Variants in SHFL observed in about 807,000 individuals in gnomAD.
SHFL encodes shiftless antiviral inhibitor of ribosomal frameshifting.
Under a neutral mutation model 34.7 loss-of-function variants are expected in SHFL, and 12 were observed. That is an observed-to-expected ratio of 0.35 (90% confidence interval 0.22 to 0.56). The LOEUF is 0.56. Ranked by LOEUF, SHFL falls within the 20% of genes least tolerant of loss-of-function variation. SHFL has a pLI of 0.88. For missense variants in SHFL, 278 were observed against 411.1 expected (o/e 0.68, Z 2.80); for synonymous variants, 148 against 156.0 (o/e 0.95, Z 0.38).
In SHFL at chr19:10,090,069, T is replaced by C. The variant is rs2088355312; in HGVS notation, c.384+22T>C. On this transcript the variant is annotated intron_variant, in intron 5 of 7. Transcript: ENST00000253110. ...GGAGGTGATGACCTAAAACTTAACC[T>C]CGACTTTGACTGTCCCGAACTCCAC... 5 of 1,590,284 alleles carry C rather than the reference T, an allele frequency of 3.1e-6. No homozygotes were observed. The East Asian group carries it at 1.1e-4, about 36-fold the overall frequency.
Position 10,091,223 on chromosome 19 carries a change from CTG to C in SHFL, c.385-25_385-24del. ...CCTCTGACAATCCTTGGTCCCCTCT[CTG>C]TACCTTCCTGCCCACCACCACCAGG... On this transcript the variant is annotated intron_variant, in intron 5 of 7. Coordinates refer to ENST00000253110, the MANE Select transcript of SHFL (RefSeq NM_018381.4). The surrounding 1 kb of genome is among the most constrained non-coding windows in gnomAD (Gnocchi z 8.2). 1 of 1,602,078 alleles carries C rather than the reference CTG, an allele frequency of 6.2e-7. No individual in the cohort carries two copies. Among genetic ancestry groups the C allele is most frequent in the Non-Finnish European group, 8.5e-7 (1 of 1,170,782 alleles).
In SHFL at chr19:10,086,331, T is replaced by G. The variant is rs1568462185; in HGVS notation, c.-97T>G. The G allele has an allele frequency of 1.8e-6, 2 of 1,136,806 alleles. No individual in the cohort carries two copies. The highest frequency in any genetic ancestry group is 2.3e-6 in the Non-Finnish European group (2 of 888,368). 70.4% of individuals were successfully genotyped at this position (1,136,806 alleles called of 1,614,324 possible). On this transcript the variant is annotated 5_prime_UTR_variant, in exon 1 of 8. Transcript: ENST00000253110. This position sits in a 1 kb window ranked among gnomAD's most constrained non-coding sequence, Gnocchi z 5.2. ...GAGCCGGCCCCGAGGCACCGCCCCC[T>G]GCCCTGCGCGGCTGCTGGACCGACG...
rs2088395718 is a variant in SHFL, at chr19:10,091,809, T to C, written c.643+179T>C. 1.3e-5 allele frequency: 13 copies of C among 1,026,676 alleles called. No individual in the cohort carries two copies. Among genetic ancestry groups the C allele is most frequent in the Middle Eastern group, 3.2e-4 (1 of 3,162 alleles). 63.6% of individuals were successfully genotyped at this position (1,026,676 alleles called of 1,614,324 possible). A position where few individuals can be genotyped will look rare whatever the true frequency, so the allele number is the denominator to read the frequency against. On this transcript the variant is annotated intron_variant, in intron 7 of 7. Transcript: ENST00000253110. The surrounding 1 kb of genome is among the most constrained non-coding windows in gnomAD (Gnocchi z 8.2). ...AGGAGGCTCTGAGGTTTCACCCCAG[T>C]GGCCCGTGCCTGAGGGTCCCCATGG...
Position 10,091,570 on chromosome 19 carries a change from C to G in SHFL, c.583C>G (p.Pro195Ala), listed in dbSNP as rs1192471027. The G allele has an allele frequency of 7.7e-6, 12 of 1,551,460 alleles. No homozygotes were observed. Among genetic ancestry groups the G allele is most frequent in the Non-Finnish European group, 1.0e-5 (12 of 1,147,124 alleles). Residue 195 changes from proline to alanine, a missense_variant, in exon 7 of 8, where the codon CCG (proline) becomes GCG (alanine). Physicochemically the swap from Pro to Ala is conservative, Grantham distance 27. Around this residue, in one of 2 missense-constraint regions of SHFL, gnomAD observed 243 missense variants for 386.2 expected, o/e 0.63. Transcript: ENST00000253110. The surrounding 1 kb of genome is among the most constrained non-coding windows in gnomAD (Gnocchi z 8.2). ...CCTCCCCCCGCGCTGGGACCGGGAC[C>G]CGGATCGCCGCAGCACCCACACTCA... ...RILPPRWDRD[P>A]DRRSTHTHSC...
At position 10,092,000 on chromosome 19, in the gene SHFL, C is replaced by T; in HGVS notation, c.644-70C>T. 6.3e-7 allele frequency: 1 copy of T among 1,599,926 alleles called. No individual in the cohort carries two copies. The highest frequency in any genetic ancestry group is 1.1e-5 in the South Asian group (1 of 89,912). On this transcript the variant is annotated intron_variant, in intron 7 of 7. Transcript: ENST00000253110. This position sits in a 1 kb window ranked among gnomAD's most constrained non-coding sequence, Gnocchi z 8.2. ...GCTCCTCCCTAGAGCCCCGCGTGGC[C>T]TAAGTCCCCTCCTCCCCAGACTCTC...
chr19:10,089,028 A>G (rs963486027), intron 3 of SHFL: 1 of 363,830 alleles, frequency 2.7e-6, no homozygotes, highest in African/African-American at 2.2e-5. Context: ...TACTTCCCAC[A>G]TGGCAAGATT....
In SHFL at chr19:10,088,953, TATAATAATAATAATA is replaced by T. The variant is rs76308973; in HGVS notation, c.196-679_196-665del. 1.5e-4 allele frequency: 21 copies of T among 136,846 alleles called. No individual in the cohort carries two copies. In the East Asian group the frequency reaches 1.7e-3, roughly 11 times the overall value. 8.5% of individuals were successfully genotyped at this position (136,846 alleles called of 1,614,324 possible). Reference sequence around the variant, plus strand: ...CAAGAGCGAAACTCCGTCTCAAAAATATAATAATAATAATAATAATAATAATAATAATAATAATAT... The same window carrying T: ...CAAGAGCGAAACTCCGTCTCAAAAATATAATAATAATAATAATAATAATAT... On this transcript the variant is annotated intron_variant, in intron 3 of 7. Coordinates refer to ENST00000253110, the MANE Select transcript of SHFL (RefSeq NM_018381.4).
At position 10,086,837 on chromosome 19, in the gene SHFL, C is replaced by T. The variant is rs903261985; in HGVS notation, c.22-92C>T. 1 of 1,460,860 alleles carries T rather than the reference C, an allele frequency of 6.8e-7. No individual in the cohort carries two copies. The highest frequency in any genetic ancestry group is 9.3e-7 in the Non-Finnish European group (1 of 1,073,674). 90.5% of individuals were successfully genotyped at this position (1,460,860 alleles called of 1,614,324 possible). On this transcript the variant is annotated intron_variant, in intron 1 of 7. Coordinates refer to ENST00000253110, the MANE Select transcript of SHFL (RefSeq NM_018381.4). The surrounding 1 kb of genome is among the most constrained non-coding windows in gnomAD (Gnocchi z 5.2). Reference sequence around the variant, plus strand: ...GGCGGCGGAGGCCAAAACCAAGGGTCAAGTTCGGGCCGGGAGAACGGTGCC... The same window carrying T: ...GGCGGCGGAGGCCAAAACCAAGGGTTAAGTTCGGGCCGGGAGAACGGTGCC...
At chr19:10,090,403 GC>G (rs2145156546) in intron 5 of SHFL, 1 of 206,366 alleles carries the variant, frequency 4.8e-6, no homozygotes, top group Admixed American at 5.2e-5. Context: ...TTTGAGACCA[GC>G]CTGGGTGACA....
At position 10,086,726 on chromosome 19, in the gene SHFL, G is replaced by A. The variant is rs567827947; in HGVS notation, c.22-203G>A. 23 of 658,650 alleles carry A rather than the reference G, an allele frequency of 3.5e-5. 1 individual carries two copies. In the Admixed American group the frequency reaches 5.7e-4, roughly 16 times the overall value. The allele number at this position is 658,650 out of a possible 1,614,324, so 40.8% of individuals were successfully genotyped here. A position where few individuals can be genotyped will look rare whatever the true frequency, so the allele number is the denominator to read the frequency against. On this transcript the variant is annotated intron_variant, in intron 1 of 7. Transcript: ENST00000253110. This position sits in a 1 kb window ranked among gnomAD's most constrained non-coding sequence, Gnocchi z 5.2. ...CCCCACACCTTAGGCTGGGACGCTC[G>A]CCCCAGTCCGCGCCTTCCCCCAACG...
At chr19:10,087,379 A>C in intron 3 of SHFL, 79 bp downstream of exon 3, 2 of 1,491,836 alleles carry the variant, frequency 1.3e-6, no homozygotes, top group South Asian at 2.3e-5. Flanking sequence ...GTTCATGGTG[A>C]CTGACCCCCC....
At chr19:10,089,120 C>T (rs1056118008) in intron 3 of SHFL, 4 of 636,352 alleles carry the variant, frequency 6.3e-6, no homozygotes, top group African/African-American at 1.8e-5. Flanking sequence ...GACAAAGAAA[C>T]TGAGGCCGAA....
Position 10,091,385 on chromosome 19 carries a change from C to G in SHFL, c.488+32C>G. ...GCGCTGACCCCCAGCTCCCCCTCAG[C>G]CCTGCCCTACCCCAGCCCTGCCCCT... On this transcript the variant is annotated intron_variant, in intron 6 of 7. Coordinates refer to ENST00000253110, the MANE Select transcript of SHFL (RefSeq NM_018381.4). This position sits in a 1 kb window ranked among gnomAD's most constrained non-coding sequence, Gnocchi z 8.2. The G allele has an allele frequency of 6.3e-7, 1 of 1,598,866 alleles. No homozygotes were observed. Among genetic ancestry groups the G allele is most frequent in the East Asian group, 2.2e-5 (1 of 44,550 alleles).
In SHFL at chr19:10,086,689, A is replaced by G. The variant is rs935939441; in HGVS notation, c.22-240A>G. ...GGTCAAAGGTCAGAGGCCAGAGATA[A>G]CCTGGCCGCCCCCCCACACCTTAGG... On this transcript the variant is annotated intron_variant, in intron 1 of 7. Transcript: ENST00000253110. The surrounding 1 kb of genome is among the most constrained non-coding windows in gnomAD (Gnocchi z 5.2). The G allele has an allele frequency of 1.0e-5, 6 of 596,084 alleles. No homozygotes were observed. The Admixed American group carries it at 1.9e-4, about 19-fold the overall frequency. 36.9% of individuals were successfully genotyped at this position (596,084 alleles called of 1,614,324 possible).
At chr19:10,088,640 G>T (rs2088329857) in intron 3 of SHFL, among the ~76,000 whole-genome samples, 1 of 151,040 alleles carries the variant, frequency 6.6e-6, no homozygotes, top group African/African-American at 2.4e-5. Context: ...ACATATAAAA[G>T]TATGATAAAA....
Position 10,091,367 on chromosome 19 carries a change from C to A in SHFL, c.488+14C>A, listed in dbSNP as rs1599277352. On this transcript the variant is annotated intron_variant, in intron 6 of 7. Coordinates refer to ENST00000253110, the MANE Select transcript of SHFL (RefSeq NM_018381.4). The surrounding 1 kb of genome is among the most constrained non-coding windows in gnomAD (Gnocchi z 8.2). ...GCACAACTTCCGGTGAGGGCGCTGACCCCCAGCTCCCCCTCAGCCCTGCCC... is the reference window on the plus strand; with the variant it reads ...GCACAACTTCCGGTGAGGGCGCTGAACCCCAGCTCCCCCTCAGCCCTGCCC... 1 of 1,606,940 alleles carries A rather than the reference C, an allele frequency of 6.2e-7. No individual in the cohort carries two copies. Among genetic ancestry groups the A allele is most frequent in the East Asian group, 2.2e-5 (1 of 44,820 alleles).
In SHFL at chr19:10,086,704, C is replaced by G. The variant is rs1040105942; in HGVS notation, c.22-225C>G. On this transcript the variant is annotated intron_variant, in intron 1 of 7. Coordinates refer to ENST00000253110, the MANE Select transcript of SHFL (RefSeq NM_018381.4). This position sits in a 1 kb window ranked among gnomAD's most constrained non-coding sequence, Gnocchi z 5.2. ...GCCAGAGATAACCTGGCCGCCCCCC[C>G]ACACCTTAGGCTGGGACGCTCGCCC... is the stretch of plus-strand genomic sequence containing the variant. 6 of 615,034 alleles carry G rather than the reference C, an allele frequency of 9.8e-6. No individual in the cohort carries two copies. Among genetic ancestry groups the G allele is most frequent in the African/African-American group, 3.7e-5 (2 of 53,760 alleles). 38.1% of individuals were successfully genotyped at this position (615,034 alleles called of 1,614,324 possible).
rs192035435 is a variant in SHFL, at chr19:10,091,171, T to G, written c.385-79T>G. 1.1e-3 allele frequency: 1,469 copies of G among 1,296,510 alleles called. 5 individuals are homozygous for G. The highest frequency in any genetic ancestry group is 1.4e-3 in the Non-Finnish European group (1,244 of 914,912). The allele number at this position is 1,296,510 out of a possible 1,614,324, so 80.3% of individuals were successfully genotyped here. On this transcript the variant is annotated intron_variant, in intron 5 of 7. Transcript: ENST00000253110. The surrounding 1 kb of genome is among the most constrained non-coding windows in gnomAD (Gnocchi z 8.2). ...GCTGAGGCCAGCCGCTGCAGCACAC[T>G]GCTAGCCCTGACCCCAACCTCAGAC...
In SHFL at chr19:10,086,807, G is replaced by T. The variant is rs564506146; in HGVS notation, c.22-122G>T. 1.2e-4 allele frequency: 143 copies of T among 1,194,886 alleles called. 3 individuals carry two copies. In the South Asian group the frequency reaches 2.0e-3, roughly 16 times the overall value. 74.0% of individuals were successfully genotyped at this position (1,194,886 alleles called of 1,614,324 possible). A position where few individuals can be genotyped will look rare whatever the true frequency, so the allele number is the denominator to read the frequency against. On this transcript the variant is annotated intron_variant, in intron 1 of 7. Coordinates refer to ENST00000253110, the MANE Select transcript of SHFL (RefSeq NM_018381.4). The surrounding 1 kb of genome is among the most constrained non-coding windows in gnomAD (Gnocchi z 5.2). ...ATGCCGTAAAGGGATGAAAGGCGGG[G>T]GGGGGGCGGCGGAGGCCAAAACCAA...
Sources: allele counts gnomAD v4.1 joint callset (sites outside exome capture counted in the v4.1 genomes callset), GRCh38; gene constraint gnomAD v4.1.1; regional missense constraint gnomAD v4.1.1; non-coding constraint Gnocchi (gnomAD v3.1); transcripts MANE v1.5; gene names NCBI Gene and HGNC (gene_info 2026-07-23, HGNC 2026-07-21).